DYM: variants seen among roughly 807,000 people sequenced by gnomAD.
DYM encodes the protein dyggve-Melchior-Clausen syndrome protein.
In DYM, 78 loss-of-function variants were observed where a neutral mutation model predicts 93.1. That is an observed-to-expected ratio of 0.84 (90% CI 0.70 to 1.01). The LOEUF (loss-of-function observed/expected upper bound fraction) is 1.01, where lower values mean the gene tolerates loss of function less well. Ranked by LOEUF, DYM falls within the 50% of genes least tolerant of loss-of-function variation. DYM has a pLI of 0.00. For missense variants in DYM, 789 were observed against 845.0 expected (o/e 0.93, Z 0.82); for synonymous variants, 321 against 319.7 (o/e 1.00, Z -0.04).
At chr18:49,245,766 C>T (rs540056134) in intron 13 of DYM, among the ~76,000 whole-genome samples, 15 of 152,250 alleles carry the variant, frequency 9.9e-5, no homozygotes, top group African/African-American at 3.6e-4. Context: ...TCGTACACCC[C>T]CTCCCCTTTT....
chr18:49,410,861 G>A (rs1160975676), intron 2 of DYM, among the ~76,000 whole-genome samples: 4 of 152,114 alleles, frequency 2.6e-5, no homozygotes, highest in Admixed American at 2.0e-4. Context: ...TTTGACAAGG[G>A]AGAGGGGATT....
intron 14 of DYM, among the ~76,000 whole-genome samples, chr18:49,196,509 G>A (rs542187080): frequency 5.3e-5 from 8 of 152,222 alleles, no homozygotes; most frequent in Admixed American, 2.0e-4. Context: ...CTTAGAGTGA[G>A]AGTGACAGCA....
chr18:49,403,679 T>A (rs1392641329), intron 2 of DYM, among the ~76,000 whole-genome samples: 1 of 152,216 alleles, frequency 6.6e-6, no homozygotes, highest in Non-Finnish European at 1.5e-5. Flanking sequence ...GGGATATGAA[T>A]GATTCCATCA....
intron 15 of DYM, among the ~76,000 whole-genome samples, chr18:49,146,993 CAG>C (rs2085230705): frequency 6.6e-6 from 1 of 152,170 alleles, no homozygotes; most frequent in Non-Finnish European, 1.5e-5. Flanking sequence ...GGTACCAAAA[CAG>C]AGACATAGAC....
intron 16 of DYM, among the ~76,000 whole-genome samples, chr18:49,102,171 C>T (rs1417328860): frequency 6.6e-6 from 1 of 152,166 alleles, no homozygotes; most frequent in East Asian, 1.9e-4. Context: ...TGATACACAC[C>T]TAATAACAGT....
chr18:49,223,599 T>A (rs1325932482), intron 13 of DYM, among the ~76,000 whole-genome samples: 1 of 152,134 alleles, frequency 6.6e-6, no homozygotes, highest in Non-Finnish European at 1.5e-5. Flanking sequence ...GTTGTTAATA[T>A]TCTTGAGTGG....
At chr18:49,399,058 C>T (rs1212248511) in intron 2 of DYM, among the ~76,000 whole-genome samples, 1 of 152,150 alleles carries the variant, frequency 6.6e-6, no homozygotes, top group Non-Finnish European at 1.5e-5. Context: ...TGTTCATCAG[C>T]AAATAGTGCT....
chr18:49,413,591 C>CTTTAAAA (rs1175672630), intron 2 of DYM, among the ~76,000 whole-genome samples: 2 of 152,078 alleles, frequency 1.3e-5, no homozygotes, highest in African/African-American at 4.8e-5. Context: ...AATGGAAGCC[C>CTTTAAAA]TTTAAAAGGA....
At chr18:49,374,265 T>C (rs931409386) in intron 5 of DYM, among the ~76,000 whole-genome samples, 4 of 152,202 alleles carry the variant, frequency 2.6e-5, no homozygotes, top group African/African-American at 9.7e-5. Context: ...ACCAACTTAG[T>C]TAACTTCCTC....
chr18:49,135,441 G>A (rs986877992), intron 15 of DYM, among the ~76,000 whole-genome samples: 2 of 152,166 alleles, frequency 1.3e-5, no homozygotes, highest in Admixed American at 1.3e-4. Context: ...GTGGGCGAGG[G>A]TCTGAACCTT....
At chr18:49,428,743 G>A (rs1433423878) in intron 2 of DYM, among the ~76,000 whole-genome samples, 1 of 152,062 alleles carries the variant, frequency 6.6e-6, no homozygotes, top group Non-Finnish European at 1.5e-5. Flanking sequence ...TCTGCTAATG[G>A]GCATGGGATA....
intron 2 of DYM, among the ~76,000 whole-genome samples, chr18:49,401,489 A>C (rs2070818294): frequency 6.6e-6 from 1 of 152,210 alleles, no homozygotes; most frequent in Admixed American, 6.5e-5. Context: ...GTGAAAGATC[A>C]AATCAGGGTA....
chr18:49,371,981 T>C (rs1363967796), intron 5 of DYM, among the ~76,000 whole-genome samples: 1 of 152,162 alleles, frequency 6.6e-6, no homozygotes, highest in Non-Finnish European at 1.5e-5. Context: ...AGTATTACAA[T>C]GGATTGGAAT....
At chr18:49,221,294 T>C (rs1261369176) in intron 13 of DYM, among the ~76,000 whole-genome samples, 6 of 152,058 alleles carry the variant, frequency 3.9e-5, no homozygotes, top group Admixed American at 6.5e-5. Context: ...AGGAACACTT[T>C]TACACTGTTG....
chr18:49,186,732 A>G (rs1476746852), intron 14 of DYM, among the ~76,000 whole-genome samples: 1 of 152,092 alleles, frequency 6.6e-6, no homozygotes, highest in Non-Finnish European at 1.5e-5. Flanking sequence ...CAAACTTTAC[A>G]ATGTAAAAGT....
chr18:49,285,689 C>A (rs1350491621), intron 9 of DYM, among the ~76,000 whole-genome samples: 1 of 152,212 alleles, frequency 6.6e-6, no homozygotes, highest in Non-Finnish European at 1.5e-5. Flanking sequence ...GATATTCACA[C>A]AGCGACAAAA....
intron 14 of DYM, among the ~76,000 whole-genome samples, chr18:49,181,063 G>A (rs953835341): frequency 6.6e-6 from 1 of 152,142 alleles, no homozygotes; most frequent in African/African-American, 2.4e-5. Context: ...CAGGCTGCAG[G>A]CCGTTAGTAT....
intron 17 of DYM, among the ~76,000 whole-genome samples, chr18:49,076,804 C>G (rs1185206641): frequency 7.9e-5 from 12 of 152,160 alleles, no homozygotes; most frequent in Non-Finnish European, 1.8e-4. Context: ...TCTTTCATAG[C>G]TTTTCTTCTG....
At chr18:49,419,281 C>T (rs1204563932) in intron 2 of DYM, among the ~76,000 whole-genome samples, 3 of 152,068 alleles carry the variant, frequency 2.0e-5, no homozygotes, top group African/African-American at 7.2e-5. Flanking sequence ...ATTGCTTGAA[C>T]CTGGGAGGCG....
Sources: allele counts gnomAD v4.1 joint callset (sites outside exome capture counted in the v4.1 genomes callset), GRCh38; gene constraint gnomAD v4.1.1; transcripts MANE v1.5; gene names NCBI Gene and HGNC (gene_info 2026-07-23, HGNC 2026-07-21).